The following GALNT9 variants were observed in gnomAD, a reference collection of about 807,000 sequenced individuals.
GALNT9 encodes GalNAc transferase 9.
GALNT9 carries 47 observed loss-of-function variants against 63.1 expected under a neutral mutation model. The observed-to-expected ratio is 0.75, with a 90% CI of 0.59 to 0.95. GALNT9 has a LOEUF of 0.95. Ranked by LOEUF, GALNT9 falls within the 40% of genes least tolerant of loss-of-function variation. GALNT9 has a pLI of 0.00. For missense variants in GALNT9, 829 were observed against 874.8 expected (o/e 0.95, Z 0.66); for synonymous variants, 396 against 365.7 (o/e 1.08, Z -0.94).
intron 1 of GALNT9, among the ~76,000 whole-genome samples, chr12:132,305,059 G>T (rs376975448): frequency 1.9e-5 from 1 of 52,812 alleles, no homozygotes; most frequent in African/African-American, 1.0e-4. Flanking sequence ...GCACAGAATC[G>T]CCCAGACACA....
At chr12:132,292,825 C>T (rs1880911713) in intron 1 of GALNT9, among the ~76,000 whole-genome samples, 2 of 152,170 alleles carry the variant, frequency 1.3e-5, no homozygotes, top group African/African-American at 2.4e-5. Flanking sequence ...TCTGGACCAC[C>T]GTTGTTCGGT....
chr12:132,247,334 G>A, intron 6 of GALNT9: 1 of 342,956 alleles, frequency 2.9e-6, no homozygotes, highest in Non-Finnish European at 5.8e-6. Context: ...CAAAGGGCAT[G>A]AAAAATAAAG....
intron 6 of GALNT9, chr12:132,205,839 C>G (rs563780093): frequency 6.6e-6 from 1 of 152,188 alleles, no homozygotes; most frequent in Non-Finnish European, 1.5e-5. Context: ...TGGTGAATCC[C>G]GCCCACCGCC....
intron 2 of GALNT9, among the ~76,000 whole-genome samples, chr12:132,266,172 A>T (rs1879589141): frequency 1.3e-5 from 2 of 151,238 alleles, no homozygotes; most frequent in South Asian, 4.2e-4. Flanking sequence ...GCCGTATTTC[A>T]TGAACAGGCA....
chr12:132,247,911 C>T lies in GALNT9; in HGVS notation c.1076G>A (p.Arg359Lys), dbSNP rs1555238217. Residue 359 changes from arginine (R) to lysine (K), a missense_variant and splice_region_variant, in exon 6 of 11, where the codon AGG becomes AAG. Coordinates refer to ENST00000328957, the MANE Select transcript of GALNT9 (RefSeq NM_001122636.2). ...CCTGGACACCGGGGCCGCACTCACC[C>T]TCATGCCCAGTTCTACGTTCTCGCC... ...YGGENVELGM[R>K]VWQCGGSMEV... 2 of 1,551,434 alleles carry T rather than the reference C, an allele frequency of 1.3e-6. No homozygotes were observed. The highest frequency in any genetic ancestry group is 2.4e-5 in the East Asian group (1 of 40,926).
intron 6 of GALNT9, among the ~76,000 whole-genome samples, chr12:132,223,019 CTACACAACCCGTACCCCA>C (rs1877526253): frequency 8.9e-6 from 1 of 112,472 alleles, no homozygotes; most frequent in African/African-American, 3.3e-5. Flanking sequence ...AACCCACACC[CTACACAACCCGTACCCCA>C]CACACACAGA....
intron 6 of GALNT9, among the ~76,000 whole-genome samples, chr12:132,222,604 G>T (rs1877491514): frequency 1.3e-5 from 2 of 151,986 alleles, no homozygotes; most frequent in Admixed American, 1.3e-4. Context: ...GAAGAAAGAT[G>T]CAGCCGACGA....
chr12:132,227,456 G>A (rs1187022586), intron 6 of GALNT9, among the ~76,000 whole-genome samples: 4 of 152,294 alleles, frequency 2.6e-5, no homozygotes, highest in African/African-American at 7.2e-5. Flanking sequence ...GCACACGCAC[G>A]CACCACAGAC....
chr12:132,247,275 C>G (rs1345564804), intron 6 of GALNT9, among the ~76,000 whole-genome samples: 1 of 152,208 alleles, frequency 6.6e-6, no homozygotes, highest in Non-Finnish European at 1.5e-5. Flanking sequence ...ACCCACCTTT[C>G]CAAGGTCCCA....
chr12:132,215,309 C>T (rs981942533), intron 6 of GALNT9, among the ~76,000 whole-genome samples: 8 of 152,236 alleles, frequency 5.3e-5, no homozygotes, highest in African/African-American at 9.6e-5. Context: ...GCCCTCCTGT[C>T]GGGCTGTAGG....
intron 7 of GALNT9, among the ~76,000 whole-genome samples, chr12:132,201,596 G>A (rs764954966): frequency 3.1e-4 from 47 of 152,286 alleles, no homozygotes; most frequent in Non-Finnish European, 5.9e-4. Context: ...CTTACTGCAC[G>A]GCATCAGCCT....
At chr12:132,248,489 A>C (rs1242344323) in intron 5 of GALNT9, among the ~76,000 whole-genome samples, 2 of 152,028 alleles carry the variant, frequency 1.3e-5, no homozygotes, top group African/African-American at 4.8e-5. Context: ...CCCCTGAAAA[A>C]AGATCAGTTT....
chr12:132,252,716 T>C lies in GALNT9; in HGVS notation c.960-4689A>G, dbSNP rs1555238693. 6.6e-6 allele frequency among the ~76,000 whole-genome samples: 1 copy of C among 151,930 alleles called. No individual in the cohort carries two copies. The highest frequency in any genetic ancestry group is 1.5e-5 in the Non-Finnish European group (1 of 67,976). On this transcript the variant is annotated intron_variant, in intron 5 of 10. Transcript: ENST00000328957. This position sits in a 1 kb window ranked among gnomAD's most constrained non-coding sequence, Gnocchi z 5.2. ...CAACATGGAGAAACCCCGTCTCTAC[T>C]AAAAATACCAAAAAAAATTAGCCAG...
At chr12:132,197,589 G>A (rs1273645858) in intron 10 of GALNT9, among the ~76,000 whole-genome samples, 21 of 148,920 alleles carry the variant, frequency 1.4e-4, no homozygotes, top group Admixed American at 1.4e-3. Context: ...CTCTCTGGCT[G>A]TGTGACCCTG....
intron 6 of GALNT9, among the ~76,000 whole-genome samples, chr12:132,230,267 T>C (rs1159127378): frequency 6.6e-6 from 1 of 152,148 alleles, no homozygotes; most frequent in Non-Finnish European, 1.5e-5. Flanking sequence ...AGCCTTGTGA[T>C]GGGGGCCGCC....
intron 4 of GALNT9, among the ~76,000 whole-genome samples, chr12:132,259,185 C>T (rs528268739): frequency 9.2e-5 from 14 of 152,318 alleles, no homozygotes; most frequent in East Asian, 1.9e-4. Flanking sequence ...GAGACAGTTA[C>T]GGGAGGGGGT....
intron 6 of GALNT9, among the ~76,000 whole-genome samples, chr12:132,214,884 T>C (rs555068111): frequency 6.6e-6 from 1 of 152,370 alleles, no homozygotes; most frequent in South Asian, 2.1e-4. Flanking sequence ...GCTCAGCTCC[T>C]GATCTTGCAG....
chr12:132,277,207 T>C (rs1449052231), intron 2 of GALNT9: 1 of 154,612 alleles, frequency 6.5e-6, no homozygotes, highest in Non-Finnish European at 1.5e-5. Flanking sequence ...CTTGCTTTTG[T>C]TTACTTCTTT....
At chr12:132,219,642 G>A (rs1877356183) in intron 6 of GALNT9, among the ~76,000 whole-genome samples, 3 of 152,322 alleles carry the variant, frequency 2.0e-5, no homozygotes, top group African/African-American at 4.8e-5. Context: ...GCGAGAGGCA[G>A]CAGCACCCGC....
Sources: gnomAD v4.1 joint callset for allele counts (sites outside exome capture counted in the v4.1 genomes callset) on GRCh38, gnomAD v4.1.1 for gene constraint, Gnocchi (gnomAD v3.1) non-coding constraint, MANE v1.5 for transcripts, NCBI Gene and HGNC (gene_info 2026-07-23, HGNC 2026-07-21) for gene names.